The following SHOC2 variants were observed in gnomAD, a reference collection of about 807,000 sequenced individuals.
SHOC2 encodes the protein leucine-rich repeat protein SHOC-2.
Under a neutral mutation model 50.2 loss-of-function variants are expected in SHOC2, and 4 were observed. That is an observed-to-expected ratio of 0.08 (90% confidence interval 0.04 to 0.18). The LOEUF (loss-of-function observed/expected upper bound fraction) is 0.18. SHOC2 is among the 10% of genes least tolerant of loss of function. The pLI is 1.00. For synonymous variants in SHOC2, 218 were observed against 244.5 expected, an observed-to-expected ratio of 0.89 and a Z score of 1.01; for missense variants, 388 against 669.6, an observed-to-expected ratio of 0.58 and a Z score of 4.64.
At chr10:110,959,575 T>A (rs1303812949) in intron 1 of SHOC2, among the ~76,000 whole-genome samples, 1 of 152,226 alleles carries the variant, frequency 6.6e-6, no homozygotes, top group South Asian at 2.1e-4. Context: ...TTGCAGTGGC[T>A]TCCAAATTCG....
chr10:110,984,877 A>G (rs1004936854), intron 2 of SHOC2, among the ~76,000 whole-genome samples: 4 of 152,194 alleles, frequency 2.6e-5, no homozygotes, highest in Non-Finnish European at 5.9e-5. Flanking sequence ...ATGAGATTTC[A>G]TATTTGAAAG....
intron 5 of SHOC2, among the ~76,000 whole-genome samples, chr10:111,005,288 A>G (rs1848447629): frequency 6.6e-6 from 1 of 152,160 alleles, no homozygotes; most frequent in Non-Finnish European, 1.5e-5. Flanking sequence ...CCCCCCAAAA[A>G]AGGAAATATG....
At chr10:110,970,405 T>C (rs1016890854) in intron 2 of SHOC2, among the ~76,000 whole-genome samples, 2 of 152,328 alleles carry the variant, frequency 1.3e-5, no homozygotes, top group Non-Finnish European at 2.9e-5. Context: ...TAGCATTTCA[T>C]TGTGTATATA....
intron 1 of SHOC2, among the ~76,000 whole-genome samples, chr10:110,948,429 C>A (rs1315745523): frequency 2.0e-5 from 3 of 152,102 alleles, no homozygotes; most frequent in Non-Finnish European, 2.9e-5. Context: ...TGAACAGTAG[C>A]AGAATATACA....
Position 110,925,070 on chromosome 10 carries a change from CAAAAA to C in SHOC2, c.-235+5431_-235+5435del, listed in dbSNP as rs763203844. On this transcript the variant is annotated intron_variant, in intron 1 of 8. Transcript: ENST00000369452. The stretch of plus-strand genomic sequence containing the variant: ...TAGGCGACAGAGTGAGACTCTGTCT[CAAAAA>C]AAAAAAAAAAAAAAAAATTAAAATA... Among the ~76,000 whole-genome samples, 198 of 82,472 alleles carry C rather than the reference CAAAAA, an allele frequency of 2.4e-3. 1 individual carries two copies. Among genetic ancestry groups the C allele is most frequent in the South Asian group, 5.8e-3 (13 of 2,248 alleles). The allele number at this position is 82,472 out of a possible 152,430, so 54.1% of individuals were successfully genotyped here.
chr10:110,961,136 A>T (rs893855891), intron 1 of SHOC2, among the ~76,000 whole-genome samples: 2 of 152,170 alleles, frequency 1.3e-5, no homozygotes, highest in Non-Finnish European at 2.9e-5. Flanking sequence ...TGCCAGCCTC[A>T]GCTTAATTAT....
At chr10:110,926,500 G>A (rs1846777518) in intron 1 of SHOC2, among the ~76,000 whole-genome samples, 1 of 152,142 alleles carries the variant, frequency 6.6e-6, no homozygotes, top group African/African-American at 2.4e-5. Context: ...GTAACCAAAT[G>A]TAAAAAGGAC....
chr10:110,989,100 C>G, intron 3 of SHOC2: 3 of 471,770 alleles, frequency 6.4e-6, no homozygotes, highest in South Asian at 4.7e-5. Flanking sequence ...CAAGAACATT[C>G]CTGATAGGAC....
At chr10:110,922,995 A>G (rs1170834506) in intron 1 of SHOC2, among the ~76,000 whole-genome samples, 2 of 152,072 alleles carry the variant, frequency 1.3e-5, no homozygotes, top group Non-Finnish European at 2.9e-5. Context: ...TATTTCATGC[A>G]TTATGTGTTG....
chr10:111,010,620 A>G (rs1848549535), intron 8 of SHOC2, among the ~76,000 whole-genome samples: 1 of 152,190 alleles, frequency 6.6e-6, no homozygotes, highest in Non-Finnish European at 1.5e-5. Flanking sequence ...ACCATGGCAC[A>G]TGTATACATA....
chr10:110,966,286 C>G (rs1448350998), intron 2 of SHOC2, among the ~76,000 whole-genome samples: 1 of 151,940 alleles, frequency 6.6e-6, no homozygotes, highest in African/African-American at 2.4e-5. Flanking sequence ...TAGAGTATGA[C>G]TTACTCACGA....
rs1247249316 is a variant in SHOC2 at position 110,919,805 on chromosome 10, C to G, written c.-235+148C>G. 14 of 390,802 alleles carry G rather than the reference C, an allele frequency of 3.6e-5. 1 individual carries two copies. In the East Asian group the frequency reaches 4.4e-4, roughly 12 times the overall value. 24.2% of individuals were successfully genotyped at this position (390,802 alleles called of 1,614,324 possible). ...GAGCCGGCAGCGCCGGGGCGAGGCC[C>G]GAGGGGCCGGGGCCCTGGGAGGCGC... is the stretch of plus-strand genomic sequence containing the variant. On this transcript the variant is annotated intron_variant, in intron 1 of 8. Transcript: ENST00000369452.
At chr10:110,981,843 C>CTTTAT (rs775107561) in intron 2 of SHOC2, among the ~76,000 whole-genome samples, 3 of 125,858 alleles carry the variant, frequency 2.4e-5, no homozygotes, top group South Asian at 2.9e-4. Context: ...ATTCAGTTTT[C>CTTTAT]TTATTTATTT....
intron 1 of SHOC2, among the ~76,000 whole-genome samples, chr10:110,952,071 G>A (rs1847364552): frequency 6.6e-6 from 1 of 152,158 alleles, no homozygotes; most frequent in Non-Finnish European, 1.5e-5. Context: ...GAAACTACTA[G>A]TTTCTCTTAA....
intron 1 of SHOC2, among the ~76,000 whole-genome samples, chr10:110,927,348 T>C (rs1418605935): frequency 6.6e-6 from 1 of 152,236 alleles, no homozygotes; most frequent in East Asian, 1.9e-4. Context: ...TTGAATTCTG[T>C]GACTATAAGG....
chr10:111,011,887 A>G lies in SHOC2; in HGVS notation c.*69A>G, dbSNP rs575011429. ...ATTAATGTTTCTTATCTATATCTGT[A>G]TCTATTTATGTAGATATTGGTATAT... On this transcript the variant is annotated 3_prime_UTR_variant, in exon 9 of 9. Transcript: ENST00000369452. The G allele has an allele frequency of 2.5e-5, 31 of 1,240,114 alleles. 1 individual carries two copies. The South Asian group carries it at 3.8e-4, about 15-fold the overall frequency. The allele number at this position is 1,240,114 out of a possible 1,614,324, so 76.8% of individuals were successfully genotyped here.
rs1848583968 is a variant in SHOC2 at position 111,012,421 on chromosome 10, T to TAA, written c.*604_*605insAA. On this transcript the variant is annotated 3_prime_UTR_variant, in exon 9 of 9. Coordinates refer to ENST00000369452, the MANE Select transcript of SHOC2 (RefSeq NM_007373.4). The stretch of plus-strand genomic sequence containing the variant: ...ATCCACTGGTGTAAACAGTGAAAGG[T>TAA]ATTTGCTTGTTGAAAAAAAAAACTG... The TAA allele has an allele frequency of 6.6e-6, 1 of 152,122 alleles. No homozygotes were observed. Among genetic ancestry groups the TAA allele is most frequent in the Non-Finnish European group, 1.5e-5 (1 of 68,062 alleles). 9.4% of individuals were successfully genotyped at this position (152,122 alleles called of 1,614,324 possible). A position where few individuals can be genotyped will look rare whatever the true frequency, so the allele number is the denominator to read the frequency against.
At chr10:110,941,114 GT>G (rs1171417556) in intron 1 of SHOC2, among the ~76,000 whole-genome samples, 5 of 151,260 alleles carry the variant, frequency 3.3e-5, no homozygotes, top group Non-Finnish European at 5.9e-5. Context: ...AAAATAGTTG[GT>G]ATTTACATTA....
chr10:111,001,710 T>C (rs1848379622), intron 4 of SHOC2, among the ~76,000 whole-genome samples: 2 of 152,118 alleles, frequency 1.3e-5, no homozygotes, highest in South Asian at 4.1e-4. Context: ...TTTCTGAGTA[T>C]GTGTGTGTGT....
Sources: allele counts gnomAD v4.1 joint callset (sites outside exome capture counted in the v4.1 genomes callset), GRCh38; gene constraint gnomAD v4.1.1; transcripts MANE v1.5; gene names NCBI Gene and HGNC (gene_info 2026-07-23, HGNC 2026-07-21).